DAB1: variants seen among roughly 807,000 people sequenced by gnomAD.
The protein encoded by DAB1 is DAB adaptor protein 1, also known as disabled homolog 1.
DAB1 carries 15 observed loss-of-function variants against 64.6 expected under a neutral mutation model. The ratio of observed to expected loss-of-function variants is 0.23; its 90% CI spans 0.16 to 0.36. DAB1 has a LOEUF of 0.36. DAB1 is among the 10% of genes least tolerant of loss of function. The probability of loss-of-function intolerance (pLI) is 1.00; values close to 1 mark genes in which losing one functional copy is unlikely to be tolerated. For missense variants in DAB1, 596 were observed against 706.7 expected, an observed-to-expected ratio of 0.84 and a Z score of 1.78; for synonymous variants, 235 against 251.9, an observed-to-expected ratio of 0.93 and a Z score of 0.64.
chr1:57,239,369 T>A (rs1165164528), intron 2 of DAB1, among the ~76,000 whole-genome samples: 1 of 152,234 alleles, frequency 6.6e-6, no homozygotes, highest in Non-Finnish European at 1.5e-5. Context: ...TTAGTGCTCA[T>A]CTTCCCCACT....
chr1:57,046,061 C>G (rs1221041623), intron 9 of DAB1, among the ~76,000 whole-genome samples: 1 of 152,196 alleles, frequency 6.6e-6, no homozygotes, highest in Non-Finnish European at 1.5e-5. Context: ...TAGTTGTCAT[C>G]TTAATTAAAC....
chr1:58,507,565 C>A (rs568033113), intron 2 of DAB1, among the ~76,000 whole-genome samples: 2 of 151,910 alleles, frequency 1.3e-5, no homozygotes, highest in Middle Eastern at 3.4e-3. Flanking sequence ...CACTACTGCA[C>A]AGATATGGAT....
chr1:58,069,962 G>C (rs112757261), intron 5 of DAB1, among the ~76,000 whole-genome samples: 3 of 152,178 alleles, frequency 2.0e-5, no homozygotes, highest in South Asian at 2.1e-4. Context: ...CACAGAGTCA[G>C]TGCCCCAGGC....
intron 7 of DAB1, among the ~76,000 whole-genome samples, chr1:57,561,821 C>A (rs142063895): frequency 6.6e-6 from 1 of 152,320 alleles, no homozygotes; most frequent in South Asian, 2.1e-4. Flanking sequence ...CAACACTGAG[C>A]CCTCGATATG....
chr1:58,195,358 T>C (rs1657617077), intron 4 of DAB1, among the ~76,000 whole-genome samples: 1 of 151,990 alleles, frequency 6.6e-6, no homozygotes, highest in South Asian at 2.1e-4. Flanking sequence ...CAGAAGTAGA[T>C]GATAGAATTG....
At chr1:58,464,608 CCCT>C (rs1181781568) in intron 3 of DAB1, among the ~76,000 whole-genome samples, 1 of 152,152 alleles carries the variant, frequency 6.6e-6, no homozygotes, top group African/African-American at 2.4e-5. Flanking sequence ...AGTTCCTTTT[CCCT>C]CATCTATCGG....
intron 2 of DAB1, among the ~76,000 whole-genome samples, chr1:57,258,223 A>G (rs197639): frequency 0.66 from 100,019 of 152,006 alleles, 33,097 homozygotes; most frequent in East Asian, 0.85. Context: ...TAGGGACGCA[A>G]GCATTAGTAT....
At chr1:57,249,373 T>C (rs2100512100) in intron 2 of DAB1, among the ~76,000 whole-genome samples, 1 of 152,254 alleles carries the variant, frequency 6.6e-6, no homozygotes, top group Middle Eastern at 3.4e-3. Flanking sequence ...TTGTTGTTGT[T>C]TTGTTTATTT....
intron 7 of DAB1, among the ~76,000 whole-genome samples, chr1:57,627,218 G>A (rs1309962217): frequency 6.6e-6 from 1 of 152,110 alleles, no homozygotes; most frequent in Admixed American, 6.6e-5. Context: ...GACCCAGACT[G>A]GGAATCTACA....
At chr1:57,557,221 T>C (rs910148173) in intron 7 of DAB1, among the ~76,000 whole-genome samples, 7 of 152,080 alleles carry the variant, frequency 4.6e-5, no homozygotes, top group East Asian at 1.9e-4. Flanking sequence ...GGCAAAAATA[T>C]GTGAAAAGAG....
rs1166081319 is a variant in DAB1 at position 57,071,555 on chromosome 1, T to C, written c.525A>G (p.Gln175=). 1 of 1,614,006 alleles carries C rather than the reference T, an allele frequency of 6.2e-7. No homozygotes were observed. Among genetic ancestry groups the C allele is most frequent in the South Asian group, 1.1e-5 (1 of 91,070 alleles). Residue 175 remains glutamine, a synonymous_variant, in exon 6 of 15, where the codon CAA becomes CAG. Coordinates refer to ENST00000371236, the MANE Select transcript of DAB1 (RefSeq NM_001365792.1). ...KQREELEKKA[Q]KDKQCEQAVY... ...CAGCTTGTTCACACTGCTTATCCTT[T>C]TGTGCCTTTTTTTCTAATTCTTCTC...
At chr1:57,831,755 C>T (rs2101905052) in intron 1 of DAB1, among the ~76,000 whole-genome samples, 1 of 152,118 alleles carries the variant, frequency 6.6e-6, no homozygotes, top group East Asian at 1.9e-4. Flanking sequence ...GTTGCCCAGG[C>T]TGGTCTCAAA....
intron 5 of DAB1, among the ~76,000 whole-genome samples, chr1:57,944,519 TA>T (rs1350111242): frequency 1.3e-5 from 2 of 152,208 alleles, no homozygotes; most frequent in Admixed American, 6.5e-5. Context: ...GATGAATTAA[TA>T]AATCCATAAC....
intron 5 of DAB1, among the ~76,000 whole-genome samples, chr1:57,933,137 A>G (rs1644977146): frequency 6.6e-6 from 1 of 152,240 alleles, no homozygotes; most frequent in Non-Finnish European, 1.5e-5. Flanking sequence ...GTACCCTATA[A>G]GGTTTATAAC....
At chr1:58,165,550 C>T (rs557309190) in intron 4 of DAB1, among the ~76,000 whole-genome samples, 107 of 152,310 alleles carry the variant, frequency 7.0e-4, no homozygotes, top group Admixed American at 4.1e-3. Flanking sequence ...GTAGATACAA[C>T]AGAGCATGCA....
intron 2 of DAB1, among the ~76,000 whole-genome samples, chr1:57,230,155 A>G (rs1667558762): frequency 6.6e-6 from 1 of 152,190 alleles, no homozygotes; most frequent in South Asian, 2.1e-4. Context: ...GTTAAAATTG[A>G]GCTCTTTAAC....
At chr1:57,786,480 G>A (rs149914684) in intron 6 of DAB1, among the ~76,000 whole-genome samples, 97 of 152,264 alleles carry the variant, frequency 6.4e-4, no homozygotes, top group African/African-American at 2.2e-3. Context: ...ACTTATAAAA[G>A]TGGAGATGGA....
At chr1:57,744,871 T>C (rs1648188986) in intron 6 of DAB1, among the ~76,000 whole-genome samples, 3 of 152,304 alleles carry the variant, frequency 2.0e-5, no homozygotes, top group Admixed American at 2.0e-4. Flanking sequence ...GTCCAAAGAC[T>C]ATTAGTTCCA....
At chr1:58,356,395 A>T (rs1569678142) in intron 3 of DAB1, among the ~76,000 whole-genome samples, 1 of 152,228 alleles carries the variant, frequency 6.6e-6, no homozygotes, top group Admixed American at 6.5e-5. Flanking sequence ...AAAAATATAT[A>T]CATGCATACA....
Sources: gnomAD v4.1 joint callset for allele counts (sites outside exome capture counted in the v4.1 genomes callset) on GRCh38, gnomAD v4.1.1 for gene constraint, MANE v1.5 for transcripts, NCBI Gene and HGNC (gene_info 2026-07-23, HGNC 2026-07-21) for gene names.